Variants in SEC24B observed in about 807,000 individuals in gnomAD.
The protein encoded by SEC24B is SEC24 homolog B, COPII component, also known as protein transport protein Sec24B.
Under a neutral mutation model 142.8 loss-of-function variants are expected in SEC24B, and 45 were observed. That is an observed-to-expected ratio of 0.32 (90% CI 0.25 to 0.40). SEC24B has a LOEUF of 0.40. Ranked by LOEUF, SEC24B falls within the 10% of genes least tolerant of loss-of-function variation. The probability of loss-of-function intolerance (pLI) is 1.00; values close to 1 mark genes in which losing one functional copy is unlikely to be tolerated. For missense variants in SEC24B, 1,409 were observed against 1,526.8 expected, an observed-to-expected ratio of 0.92 and a Z score of 1.29; for synonymous variants, 574 against 568.2, an observed-to-expected ratio of 1.01 and a Z score of -0.15.
rs780870868 is a variant in SEC24B, at chr4:109,526,342, T to C, written c.2908T>C (p.Leu970=). ...FAVQLSIEES[L]TDTSLVCFQT... is the part of the protein sequence containing the mutation. ...GGTGCAGTTGTCAATTGAAGAAAGT[T>C]TAACAGATACTTCCTTAGTATGTTT... Residue 970 remains leucine (L), a synonymous_variant, in exon 17 of 24, where the codon TTA becomes CTA. Coordinates refer to ENST00000265175, the MANE Select transcript of SEC24B (RefSeq NM_006323.5). 1 of 1,613,896 alleles carries C rather than the reference T, an allele frequency of 6.2e-7. No individual in the cohort carries two copies. The highest frequency in any genetic ancestry group is 1.7e-5 in the Admixed American group (1 of 60,002).
chr4:109,435,906 C>A (rs554223150), intron 1 of SEC24B, among the ~76,000 whole-genome samples: 2 of 152,154 alleles, frequency 1.3e-5, no homozygotes, highest in Admixed American at 1.3e-4. Flanking sequence ...AAGGTTGACT[C>A]TAGGCAGAGG....
chr4:109,438,602 C>T (rs921001315), intron 1 of SEC24B, among the ~76,000 whole-genome samples: 4 of 152,172 alleles, frequency 2.6e-5, no homozygotes, highest in Admixed American at 2.6e-4. Flanking sequence ...CTAAAGATCT[C>T]TTTCTGTTAA....
chr4:109,501,912 G>T (rs774692453), intron 6 of SEC24B, among the ~76,000 whole-genome samples: 1 of 152,228 alleles, frequency 6.6e-6, no homozygotes, highest in Non-Finnish European at 1.5e-5. Context: ...AAGAAGGTTG[G>T]TGGGAGGTCA....
chr4:109,478,858 C>T (rs1386617157), intron 3 of SEC24B, among the ~76,000 whole-genome samples: 1 of 152,210 alleles, frequency 6.6e-6, no homozygotes. Context: ...CAGGAATCGA[C>T]ATCTGAAAAT....
intron 4 of SEC24B, among the ~76,000 whole-genome samples, chr4:109,482,979 T>TATACAC (rs781527364): frequency 1.6e-3 from 42 of 26,388 alleles, no homozygotes; most frequent in Non-Finnish European, 2.7e-3. Context: ...TATATATATA[T>TATACAC]ACACACACAC....
chr4:109,521,554 G>A lies in SEC24B; in HGVS notation c.2436G>A (p.Gln812=). The change falls in exon 14 of 24, where the codon CAG becomes CAA. Residue 812 remains glutamine, a synonymous_variant. Coordinates refer to ENST00000265175, the MANE Select transcript of SEC24B (RefSeq NM_006323.5). Reference sequence around the variant, plus strand: ...CAGGTGGCCGTGTGTCTGTATTTCAGACACAGTTACCTTCCTTGGGTGCAG... The same window carrying A: ...CAGGTGGCCGTGTGTCTGTATTTCAAACACAGTTACCTTCCTTGGGTGCAG... ...SPTGGRVSVF[Q]TQLPSLGAGL... 1 of 1,614,122 alleles carries A rather than the reference G, an allele frequency of 6.2e-7. No individual in the cohort carries two copies. Among genetic ancestry groups the A allele is most frequent in the Non-Finnish European group, 8.5e-7 (1 of 1,180,006 alleles).
intron 7 of SEC24B, 34 bp from the exon 8 acceptor site, chr4:109,509,975 C>T (rs767798343): frequency 2.3e-6 from 3 of 1,326,954 alleles, no homozygotes; most frequent in African/African-American, 1.5e-5. Flanking sequence ...TCTCTGATAG[C>T]TAATATCCTC....
At chr4:109,508,495 A>C (rs1736959504) in intron 7 of SEC24B, among the ~76,000 whole-genome samples, 1 of 152,092 alleles carries the variant, frequency 6.6e-6, no homozygotes, top group South Asian at 2.1e-4. Context: ...TGAGCCCAGG[A>C]GGTGGAAGTT....
chr4:109,447,760 T>C (rs1344764313), intron 1 of SEC24B, among the ~76,000 whole-genome samples: 1 of 152,154 alleles, frequency 6.6e-6, no homozygotes, highest in Non-Finnish European at 1.5e-5. Flanking sequence ...TTGCATTGTT[T>C]TCTATTTACT....
chr4:109,487,224 A>C (rs913171570), intron 4 of SEC24B, among the ~76,000 whole-genome samples: 2 of 151,996 alleles, frequency 1.3e-5, no homozygotes, highest in Non-Finnish European at 2.9e-5. Flanking sequence ...GTGCTCCTGC[A>C]TAGAAGAGGA....
intron 1 of SEC24B, among the ~76,000 whole-genome samples, chr4:109,444,633 T>C (rs1441396159): frequency 6.6e-6 from 1 of 152,246 alleles, no homozygotes; most frequent in East Asian, 1.9e-4. Flanking sequence ...GAGACAGATA[T>C]GTCCTGGGGG....
intron 1 of SEC24B, among the ~76,000 whole-genome samples, chr4:109,443,337 A>G (rs1729109000): frequency 6.6e-6 from 1 of 152,140 alleles, no homozygotes; most frequent in Non-Finnish European, 1.5e-5. Flanking sequence ...CGATTATCTC[A>G]TTTACCATCA....
chr4:109,528,575 T>C (rs976949523), intron 18 of SEC24B, among the ~76,000 whole-genome samples: 5 of 152,162 alleles, frequency 3.3e-5, no homozygotes, highest in African/African-American at 9.7e-5. Context: ...GATAATTTTG[T>C]AGTGATGGAA....
chr4:109,512,759 A>G (rs1382621642), intron 9 of SEC24B, among the ~76,000 whole-genome samples: 1 of 150,982 alleles, frequency 6.6e-6, no homozygotes, highest in Middle Eastern at 3.2e-3. Flanking sequence ...GGTTCAAGCT[A>G]TAAGTTTTTC....
intron 6 of SEC24B, among the ~76,000 whole-genome samples, chr4:109,499,855 CCTT>C (rs1204283742): frequency 2.0e-5 from 3 of 152,162 alleles, no homozygotes; most frequent in Admixed American, 6.5e-5. Flanking sequence ...AGAGTGTACT[CCTT>C]CTATTTATAA....
At chr4:109,491,230 C>A in intron 4 of SEC24B, 97 bp from the exon 5 acceptor site, 1 of 864,220 alleles carries the variant, frequency 1.2e-6, no homozygotes, top group South Asian at 1.6e-5. Context: ...CAGGAATTTT[C>A]CTAGTTCCGC....
At position 109,539,684 on chromosome 4, in the gene SEC24B, A is replaced by G. The variant is rs368263248; in HGVS notation, c.*9A>G. ...AGCAGATTTGTAAGTGAAGTAGAAT[A>G]AAATTGAATAAGAAAAAGATCTATA... On this transcript the variant is annotated 3_prime_UTR_variant, in exon 24 of 24. Coordinates refer to ENST00000265175, the MANE Select transcript of SEC24B (RefSeq NM_006323.5). 2.3e-5 allele frequency: 36 copies of G among 1,532,166 alleles called. No homozygotes were observed. The highest frequency in any genetic ancestry group is 5.5e-5 in the African/African-American group (4 of 72,972). 94.9% of individuals were successfully genotyped at this position (1,532,166 alleles called of 1,614,324 possible). A position where few individuals can be genotyped will look rare whatever the true frequency, so the allele number is the denominator to read the frequency against.
At chr4:109,504,776 G>A (rs1191818991) in intron 6 of SEC24B, among the ~76,000 whole-genome samples, 2 of 151,958 alleles carry the variant, frequency 1.3e-5, no homozygotes, top group African/African-American at 4.8e-5. Flanking sequence ...ATATCTATTG[G>A]TCTTCCATTA....
chr4:109,466,406 GTGTTT>G (rs959476191), intron 2 of SEC24B, among the ~76,000 whole-genome samples: 18 of 152,184 alleles, frequency 1.2e-4, no homozygotes, highest in Admixed American at 2.0e-4. Context: ...ACATAGTTTT[GTGTTT>G]TGTTTTGTTT....
Sources: allele counts gnomAD v4.1 joint callset (sites outside exome capture counted in the v4.1 genomes callset), GRCh38; gene constraint gnomAD v4.1.1; transcripts MANE v1.5; gene names NCBI Gene and HGNC (gene_info 2026-07-23, HGNC 2026-07-21).